SUGCT: variants seen among roughly 807,000 people sequenced by gnomAD.
SUGCT encodes the protein succinyl-CoA:glutarate-CoA transferase.
In SUGCT, 41 loss-of-function variants were observed where a neutral mutation model predicts 55.0. The observed-to-expected ratio is 0.74, with a 90% confidence interval of 0.58 to 0.97. The LOEUF is 0.97. SUGCT is among the 50% of genes least tolerant of loss of function. SUGCT has a pLI of 0.00. For synonymous variants in SUGCT, 187 were observed against 200.4 expected, an observed-to-expected ratio of 0.93 and a Z score of 0.56; for missense variants, 568 against 547.8, an observed-to-expected ratio of 1.04 and a Z score of -0.37.
chr7:40,666,355 AAAGGAAGGAAGG>A (rs775565696), intron 12 of SUGCT, among the ~76,000 whole-genome samples: 15 of 121,850 alleles, frequency 1.2e-4, no homozygotes, highest in East Asian at 9.0e-4. Flanking sequence ...CTCAAGAAAG[AAAGGAAGGAAGG>A]AAGGAAGGAA....
chr7:40,416,661 G>A (rs1787019090), intron 9 of SUGCT, among the ~76,000 whole-genome samples: 1 of 151,854 alleles, frequency 6.6e-6, no homozygotes. Flanking sequence ...TGCGAATATT[G>A]ATTTAATTTG....
intron 13 of SUGCT, among the ~76,000 whole-genome samples, chr7:40,856,741 A>C (rs1033914827): frequency 6.6e-6 from 1 of 152,124 alleles, no homozygotes; most frequent in Admixed American, 6.5e-5. Flanking sequence ...CATAGGAAAA[A>C]ATTTTTAAAG....
intron 8 of SUGCT, among the ~76,000 whole-genome samples, chr7:40,278,821 T>C (rs1416995727): frequency 9.9e-6 from 1 of 100,876 alleles, no homozygotes; most frequent in Non-Finnish European, 1.9e-5. Context: ...TGGTTTCAGA[T>C]CTTACATTTT....
chr7:40,813,187 G>A (rs539351592), intron 13 of SUGCT, among the ~76,000 whole-genome samples: 1 of 152,234 alleles, frequency 6.6e-6, no homozygotes, highest in South Asian at 2.1e-4. Flanking sequence ...TATCATCTGT[G>A]GTAATGAATG....
intron 13 of SUGCT, among the ~76,000 whole-genome samples, chr7:40,846,449 G>A (rs763907865): frequency 1.3e-5 from 2 of 151,884 alleles, no homozygotes; most frequent in Non-Finnish European, 2.9e-5. Context: ...GAAGGTTTGG[G>A]TAGCACACTT....
At chr7:40,781,056 T>A (rs1789718166) in intron 13 of SUGCT, among the ~76,000 whole-genome samples, 2 of 152,202 alleles carry the variant, frequency 1.3e-5, no homozygotes, top group South Asian at 4.1e-4. Flanking sequence ...TGATGTCACA[T>A]GGGCTTTTGA....
intron 9 of SUGCT, among the ~76,000 whole-genome samples, chr7:40,399,407 A>G (rs1785935264): frequency 6.6e-6 from 1 of 152,138 alleles, no homozygotes; most frequent in Non-Finnish European, 1.5e-5. Context: ...AGCCAAAAAG[A>G]GAATTTATTG....
At chr7:40,713,606 G>C (rs1785848258) in intron 12 of SUGCT, among the ~76,000 whole-genome samples, 3 of 152,192 alleles carry the variant, frequency 2.0e-5, no homozygotes, top group Admixed American at 2.0e-4. Flanking sequence ...TAGAATCACA[G>C]CCACCTGTAA....
At chr7:40,772,629 A>ATCTC (rs915910559) in intron 13 of SUGCT, among the ~76,000 whole-genome samples, 1 of 126,612 alleles carries the variant, frequency 7.9e-6, no homozygotes, top group Non-Finnish European at 1.8e-5. Flanking sequence ...CTATCTATCT[A>ATCTC]TCTCTATCAT....
chr7:41,035,506 C>A, the SUGCT span, among the ~76,000 whole-genome samples: 1 of 152,170 alleles, frequency 6.6e-6, no homozygotes, highest in Non-Finnish European at 1.5e-5. Flanking sequence ...TAAGACCCAT[C>A]CCTCTATACT....
At chr7:40,516,463 T>G (rs534962523) in intron 12 of SUGCT, among the ~76,000 whole-genome samples, 2 of 152,302 alleles carry the variant, frequency 1.3e-5, no homozygotes, top group South Asian at 4.1e-4. Flanking sequence ...TCTAATAATT[T>G]AATGGTTTTA....
intron 8 of SUGCT, among the ~76,000 whole-genome samples, chr7:40,312,309 G>A (rs1210859880): frequency 6.6e-6 from 1 of 152,092 alleles, no homozygotes; most frequent in East Asian, 1.9e-4. Flanking sequence ...CCAAAGTGTT[G>A]GGATTACAGG....
At chr7:40,205,377 C>T (rs1176019065) in intron 6 of SUGCT, among the ~76,000 whole-genome samples, 1 of 151,952 alleles carries the variant, frequency 6.6e-6, no homozygotes, top group Non-Finnish European at 1.5e-5. Context: ...CGCGGTGGCT[C>T]ACGCCTGTAA....
chr7:40,175,589 G>A (rs567581745), intron 1 of SUGCT, among the ~76,000 whole-genome samples: 10 of 152,158 alleles, frequency 6.6e-5, no homozygotes, highest in South Asian at 4.1e-4. Flanking sequence ...TTGAACTCAT[G>A]ATCTGCAGCA....
Position 40,639,874 on chromosome 7 carries a change from T to C in SUGCT, c.1090-109560T>C, listed in dbSNP as rs17171751. Among the ~76,000 whole-genome samples, 1,008 of 152,280 alleles carry C rather than the reference T, an allele frequency of 6.6e-3. 8 individuals are homozygous for C. Among genetic ancestry groups the C allele is most frequent in the East Asian group, 0.03 (157 of 5,162 alleles). On this transcript the variant is annotated intron_variant, in intron 12 of 13. Coordinates refer to ENST00000335693, the MANE Select transcript of SUGCT (RefSeq NM_001193313.2). Reference sequence around the variant, plus strand: ...TCTGTAAAGGATGTCATTCAGTTTCTGGTTCTTAGTCGATACTCAATAAAT... The same window carrying C: ...TCTGTAAAGGATGTCATTCAGTTTCCGGTTCTTAGTCGATACTCAATAAAT...
Position 40,284,982 on chromosome 7 carries a change from A to G in SUGCT, c.720+10326A>G, listed in dbSNP as rs570031084. ...CTGTATAACTGAAGTCATTAGTTAT[A>G]TTCATGGGCATTGCATATTTTTATA... On this transcript the variant is annotated intron_variant, in intron 8 of 13. Coordinates refer to ENST00000335693, the MANE Select transcript of SUGCT (RefSeq NM_001193313.2). Among the ~76,000 whole-genome samples the G allele has an allele frequency of 5.9e-5, 9 of 152,330 alleles. No homozygotes were observed. The East Asian group carries it at 1.5e-3, about 26-fold the overall frequency.
In SUGCT at chr7:40,586,369, T is replaced by A. The variant is rs1335430050; in HGVS notation, c.1089+89983T>A. On this transcript the variant is annotated intron_variant, in intron 12 of 13. Coordinates refer to ENST00000335693, the MANE Select transcript of SUGCT (RefSeq NM_001193313.2). Reference sequence around the variant, plus strand: ...GAACTGGATTTAAATTTTATTTAACTGTAATTAATTTAAATGTATAAAGCC... The same window carrying A: ...GAACTGGATTTAAATTTTATTTAACAGTAATTAATTTAAATGTATAAAGCC... 2.0e-5 allele frequency among the ~76,000 whole-genome samples: 3 copies of A among 152,100 alleles called. No individual in the cohort carries two copies. The South Asian group carries it at 6.2e-4, about 32-fold the overall frequency.
the SUGCT span, among the ~76,000 whole-genome samples, chr7:40,978,776 G>C: frequency 1.3e-5 from 2 of 152,196 alleles, no homozygotes; most frequent in African/African-American, 4.8e-5. Context: ...GAACCAAAGG[G>C]GCACTGGAGT....
At chr7:40,535,945 T>A (rs553524242) in intron 12 of SUGCT, among the ~76,000 whole-genome samples, 1 of 152,216 alleles carries the variant, frequency 6.6e-6, no homozygotes, top group Non-Finnish European at 1.5e-5. Context: ...TTTTCTTATG[T>A]TTGTTGGCCG....
Sources: allele counts gnomAD v4.1 joint callset (sites outside exome capture counted in the v4.1 genomes callset), GRCh38; gene constraint gnomAD v4.1.1; transcripts MANE v1.5; gene names NCBI Gene and HGNC (gene_info 2026-07-23, HGNC 2026-07-21).